The following SPAG16 variants were observed in gnomAD, a reference collection of about 807,000 sequenced individuals.
SPAG16 encodes the protein sperm associated antigen 16, also known as sperm-associated antigen 16 protein.
In SPAG16, 86 loss-of-function variants were observed where a neutral mutation model predicts 80.4. That is an observed-to-expected ratio of 1.07 (90% CI 0.90 to 1.28). SPAG16 has a LOEUF of 1.28. Ranked by LOEUF, SPAG16 falls within the 50% of genes most tolerant of loss-of-function variation. The probability of loss-of-function intolerance (pLI) is 0.00; values close to 1 mark genes in which losing one functional copy is unlikely to be tolerated. For synonymous variants in SPAG16, 294 were observed against 265.9 expected (o/e 1.11, Z -1.03); for missense variants, 870 against 765.3 (o/e 1.14, Z -1.61).
At chr2:214,064,584 T>C (rs2050442291) in intron 13 of SPAG16, among the ~76,000 whole-genome samples, 1 of 152,138 alleles carries the variant, frequency 6.6e-6, no homozygotes, top group South Asian at 2.1e-4. Flanking sequence ...TTATAAACTG[T>C]TCCTCAGTTC....
chr2:214,021,990 C>T (rs993129723), intron 13 of SPAG16, among the ~76,000 whole-genome samples: 1 of 152,116 alleles, frequency 6.6e-6, no homozygotes, highest in South Asian at 2.1e-4. Flanking sequence ...CTTAAAGGTT[C>T]ACTTCACCTT....
chr2:213,290,846 A>G (rs765677892), intron 1 of SPAG16, among the ~76,000 whole-genome samples: 4 of 152,182 alleles, frequency 2.6e-5, no homozygotes, highest in Admixed American at 2.0e-4. Flanking sequence ...ATCCAAAACA[A>G]TGCTTTCCAA....
At chr2:214,130,947 C>T (rs1445214345) in intron 14 of SPAG16, among the ~76,000 whole-genome samples, 1 of 152,228 alleles carries the variant, frequency 6.6e-6, no homozygotes, top group South Asian at 2.1e-4. Context: ...ATTTATTAAA[C>T]CTTCTTCTCC....
At chr2:213,575,163 G>A (rs1371157801) in intron 10 of SPAG16, among the ~76,000 whole-genome samples, 2 of 152,102 alleles carry the variant, frequency 1.3e-5, no homozygotes, top group African/African-American at 2.4e-5. Context: ...AAGTGAGTGA[G>A]GAGATGAGAC....
intron 10 of SPAG16, among the ~76,000 whole-genome samples, chr2:213,592,807 T>A (rs554345354): frequency 6.6e-6 from 1 of 152,350 alleles, no homozygotes; most frequent in East Asian, 1.9e-4. Context: ...AATGGTGTGA[T>A]CACTTCGTCA....
intron 13 of SPAG16, among the ~76,000 whole-genome samples, chr2:214,051,009 T>C (rs1218864777): frequency 3.9e-5 from 6 of 152,208 alleles, no homozygotes; most frequent in Non-Finnish European, 7.3e-5. Flanking sequence ...CTTGTTTCCC[T>C]GAAGACTAGT....
At chr2:213,926,390 T>A (rs1330035099) in intron 11 of SPAG16, among the ~76,000 whole-genome samples, 1 of 152,082 alleles carries the variant, frequency 6.6e-6, no homozygotes, top group African/African-American at 2.4e-5. Flanking sequence ...CTCGCCCCAC[T>A]TCCATTCCAC....
intron 5 of SPAG16, among the ~76,000 whole-genome samples, chr2:213,333,316 A>G (rs2064191911): frequency 6.6e-6 from 1 of 152,142 alleles, no homozygotes; most frequent in Non-Finnish European, 1.5e-5. Flanking sequence ...TATCTCTACA[A>G]TGAAAACTAT....
At chr2:213,542,852 A>C (rs1438505648) in intron 10 of SPAG16, among the ~76,000 whole-genome samples, 1 of 152,116 alleles carries the variant, frequency 6.6e-6, no homozygotes, top group African/African-American at 2.4e-5. Context: ...GAACAAATTA[A>C]TCCCAATGTA....
intron 10 of SPAG16, among the ~76,000 whole-genome samples, chr2:213,688,930 T>C (rs114147759): frequency 0.017 from 2,575 of 152,328 alleles, 35 homozygotes; most frequent in South Asian, 0.038. Flanking sequence ...CTCTCATTTT[T>C]TGAACATATG....
At chr2:213,396,893 C>G (rs1559087922) in intron 9 of SPAG16, among the ~76,000 whole-genome samples, 1 of 150,886 alleles carries the variant, frequency 6.6e-6, no homozygotes, top group Non-Finnish European at 1.5e-5. Context: ...CGTAAGGATC[C>G]TTTTTTTTTG....
chr2:214,379,192 A>ATGTT (rs1700308095), intron 15 of SPAG16, among the ~76,000 whole-genome samples: 1 of 152,326 alleles, frequency 6.6e-6, no homozygotes, highest in South Asian at 2.1e-4. Context: ...GCTTCTTAAT[A>ATGTT]TGTTTTATAA....
At chr2:213,857,512 T>A (rs746955149) in intron 10 of SPAG16, among the ~76,000 whole-genome samples, 1 of 152,068 alleles carries the variant, frequency 6.6e-6, no homozygotes, top group Non-Finnish European at 1.5e-5. Context: ...TACAACATGG[T>A]TTAATGAATA....
intron 10 of SPAG16, among the ~76,000 whole-genome samples, chr2:213,566,777 C>T (rs565425609): frequency 2.0e-4 from 31 of 152,234 alleles, no homozygotes; most frequent in Non-Finnish European, 3.7e-4. Context: ...TGCCCTTTCC[C>T]AGAGCATAAG....
At chr2:214,283,773 C>T (rs548535889) in intron 15 of SPAG16, among the ~76,000 whole-genome samples, 21 of 152,274 alleles carry the variant, frequency 1.4e-4, no homozygotes, top group Admixed American at 3.9e-4. Context: ...TATAACACTG[C>T]GGCATTAAGG....
chr2:214,258,235 T>A (rs1235254092), intron 15 of SPAG16, among the ~76,000 whole-genome samples: 1 of 151,886 alleles, frequency 6.6e-6, no homozygotes, highest in Non-Finnish European at 1.5e-5. Flanking sequence ...CTTTTATTCC[T>A]CACCCCCCTC....
chr2:213,317,012 A>G (rs1250043625), intron 4 of SPAG16, among the ~76,000 whole-genome samples: 1 of 152,018 alleles, frequency 6.6e-6, no homozygotes, highest in Non-Finnish European at 1.5e-5. Flanking sequence ...CAGTTATTAT[A>G]TTTTATACAC....
At chr2:213,908,141 A>G (rs1320722698) in intron 11 of SPAG16, among the ~76,000 whole-genome samples, 2 of 152,208 alleles carry the variant, frequency 1.3e-5, no homozygotes, top group Admixed American at 6.5e-5. Context: ...TACAATTATT[A>G]TGAATCAACT....
intron 15 of SPAG16, among the ~76,000 whole-genome samples, chr2:214,171,270 A>G (rs907394181): frequency 1.3e-5 from 2 of 151,938 alleles, no homozygotes; most frequent in African/African-American, 4.8e-5. Flanking sequence ...TATCATGGCA[A>G]AAATGTGAAG....
Sources: allele counts gnomAD v4.1 joint callset (sites outside exome capture counted in the v4.1 genomes callset), GRCh38; gene constraint gnomAD v4.1.1; transcripts MANE v1.5; gene names NCBI Gene and HGNC (gene_info 2026-07-23, HGNC 2026-07-21).